BRCA2: variants seen among roughly 807,000 people sequenced by gnomAD.
The protein encoded by BRCA2 is BRCA2 DNA repair associated.
A neutral mutation model predicts 276.7 loss-of-function variants in BRCA2; 203 were observed. That is an observed-to-expected ratio of 0.73 (90% CI 0.65 to 0.82). The LOEUF (loss-of-function observed/expected upper bound fraction) is 0.82. BRCA2 is among the 40% of genes least tolerant of loss of function. BRCA2 has a pLI of 0.00. For synonymous variants in BRCA2, 1,289 were observed against 1,338.4 expected, an observed-to-expected ratio of 0.96 and a Z score of 0.81; for missense variants, 3,920 against 3,915.0, an observed-to-expected ratio of 1.00 and a Z score of -0.03.
Position 32,340,856 on chromosome 13 carries a change from A to G in BRCA2, c.6501A>G (p.Leu2167=), listed in dbSNP as rs2137528169. 6.3e-7 allele frequency: 1 copy of G among 1,599,224 alleles called. No individual in the cohort carries two copies. The highest frequency in any genetic ancestry group is 8.5e-7 in the Non-Finnish European group (1 of 1,175,522). Residue 2167 remains leucine, a synonymous_variant, in exon 11 of 27, where the codon TTA becomes TTG. Coordinates refer to ENST00000380152, the MANE Select transcript of BRCA2 (RefSeq NM_000059.4). Reference sequence around the variant, plus strand: ...AACAAGACAAACAACAGTTGGTATTAGGAACCAAAGTGTCACTTGTTGAGA... The same window carrying G: ...AACAAGACAAACAACAGTTGGTATTGGGAACCAAAGTGTCACTTGTTGAGA... ...QFQQDKQQLV[L]GTKVSLVENI... is the part of the protein sequence containing the mutation.
intron 21 of BRCA2, 102 bp downstream of exon 21, chr13:32,376,893 T>A (rs2072877672): frequency 2.0e-6 from 3 of 1,492,358 alleles, no homozygotes; most frequent in Non-Finnish European, 2.7e-6. Flanking sequence ...GTTGAAATGC[T>A]GCATTTCTCA....
chr13:32,365,672 C>A (rs941866872), intron 18 of BRCA2, among the ~76,000 whole-genome samples: 12 of 151,100 alleles, frequency 7.9e-5, no homozygotes, highest in Non-Finnish European at 1.6e-4. Context: ...GCCACCACGC[C>A]CAGCCTGTTT....
intron 24 of BRCA2, chr13:32,384,904 C>A: frequency 3.1e-6 from 1 of 320,318 alleles, no homozygotes; most frequent in Non-Finnish European, 6.3e-6. Flanking sequence ...AAGCTGAAGA[C>A]TTAATCCAGA....
At chr13:32,343,432 TCTC>T (rs530118979) in intron 11 of BRCA2, among the ~76,000 whole-genome samples, 12 of 152,300 alleles carry the variant, frequency 7.9e-5, no homozygotes, top group Admixed American at 7.2e-4. Flanking sequence ...CCGAAGTTAG[TCTC>T]CTCATTCAAA....
intron 20 of BRCA2, among the ~76,000 whole-genome samples, chr13:32,374,684 T>C (rs1156995048): frequency 6.6e-6 from 1 of 152,226 alleles, no homozygotes; most frequent in Non-Finnish European, 1.5e-5. Flanking sequence ...TGGACTTCAC[T>C]GGCCACATCA....
rs117572301 is a variant in BRCA2 at position 32,350,821 on chromosome 13, A to G, written c.7007+3925A>G. ...CCTATTAATACTACATATACTTTAT[A>G]CTGACTTAGCCGTAATGTAAATGTT... On this transcript the variant is annotated intron_variant, in intron 13 of 26. Coordinates refer to ENST00000380152, the MANE Select transcript of BRCA2 (RefSeq NM_000059.4). Among the ~76,000 whole-genome samples, 790 of 152,332 alleles carry G rather than the reference A, an allele frequency of 5.2e-3. 5 individuals carry two copies. The highest frequency in any genetic ancestry group is 9.4e-3 in the Non-Finnish European group (641 of 68,028).
In BRCA2 at chr13:32,333,235, A is replaced by C; in HGVS notation, c.1757A>C (p.Lys586Thr). 6.2e-7 allele frequency: 1 copy of C among 1,612,802 alleles called. No homozygotes were observed. Among genetic ancestry groups the C allele is most frequent in the Non-Finnish European group, 8.5e-7 (1 of 1,179,206 alleles). The change falls in exon 10 of 27, where the codon AAA (lysine) becomes ACA (threonine). Residue 586 changes from lysine (K) to threonine (T), a missense_variant. Physicochemically the swap from Lys to Thr is moderately conservative, Grantham distance 78. Transcript: ENST00000380152. ...NAGLISTLKKKTNKFIYAIHD... is the reference protein window; with the variant it reads ...NAGLISTLKKTTNKFIYAIHD... ...GGTTTAATATCCACTTTGAAAAAGA[A>C]AACAAATAAGTTTATTTATGCTATA... is the stretch of plus-strand genomic sequence containing the variant.
chr13:32,333,240 A>G lies in BRCA2; in HGVS notation c.1762A>G (p.Asn588Asp), dbSNP rs398122731. ...AATATCCACTTTGAAAAAGAAAACA[A>G]ATAAGTTTATTTATGCTATACATGA... is the stretch of plus-strand genomic sequence containing the variant. The part of the protein sequence containing the change: ...GLISTLKKKT[N>D]KFIYAIHDET... Residue 588 changes from asparagine to aspartate, a missense_variant, in exon 10 of 27, where the codon AAT (asparagine) becomes GAT (aspartate). Transcript: ENST00000380152. 130 of 1,612,656 alleles carry G rather than the reference A, an allele frequency of 8.1e-5. No homozygotes were observed. Among genetic ancestry groups the G allele is most frequent in the Non-Finnish European group, 1.1e-4 (125 of 1,179,238 alleles).
At chr13:32,374,968 A>G (rs913749383) in intron 20 of BRCA2, among the ~76,000 whole-genome samples, 1 of 152,234 alleles carries the variant, frequency 6.6e-6, no homozygotes, top group Non-Finnish European at 1.5e-5. Context: ...ACAGTTCCAC[A>G]TGGCTGGGGA....
At chr13:32,391,880 C>A (rs899095009) in intron 24 of BRCA2, among the ~76,000 whole-genome samples, 4 of 152,176 alleles carry the variant, frequency 2.6e-5, no homozygotes, top group African/African-American at 9.6e-5. Context: ...TGGAAACCTC[C>A]ACTTACGTAA....
In BRCA2 at chr13:32,354,817, A is replaced by G. The variant is rs760633856; in HGVS notation, c.7008-44A>G. ...CAAAGGCATATTCCTAAATATTTATATGTGTACTAGTCAATAAACTTATAT... is the reference window on the plus strand; with the variant it reads ...CAAAGGCATATTCCTAAATATTTATGTGTGTACTAGTCAATAAACTTATAT... On this transcript the variant is annotated intron_variant, in intron 13 of 26. Coordinates refer to ENST00000380152, the MANE Select transcript of BRCA2 (RefSeq NM_000059.4). The G allele has an allele frequency of 1.1e-5, 14 of 1,278,754 alleles. No homozygotes were observed. The highest frequency in any genetic ancestry group is 1.0e-4 in the Admixed American group (6 of 59,280). 79.2% of individuals were successfully genotyped at this position (1,278,754 alleles called of 1,614,324 possible).
At chr13:32,351,145 C>G (rs1013131889) in intron 13 of BRCA2, among the ~76,000 whole-genome samples, 1 of 152,218 alleles carries the variant, frequency 6.6e-6, no homozygotes, top group Non-Finnish European at 1.5e-5. Context: ...GCCATGGAAT[C>G]TTTGTTTTTT....
At position 32,376,756 on chromosome 13, in the gene BRCA2, G is replaced by A. The variant is rs1593934954; in HGVS notation, c.8719G>A (p.Ala2907Thr). The change falls in exon 21 of 27, where the codon GCA becomes ACA. Residue 2907 changes from alanine to threonine, a missense_variant. Around this residue, in one of 2 missense-constraint regions of BRCA2, gnomAD observed 657 missense variants for 758.2 expected, o/e 0.87. Coordinates refer to ENST00000380152, the MANE Select transcript of BRCA2 (RefSeq NM_000059.4). ...ALQDGAELYE[A>T]VKNAADPAYL... Reference sequence around the variant, plus strand: ...GCAAGATGGTGCAGAGCTTTATGAAGCAGTGAAGAATGCAGCAGACCCAGC... The same window carrying A: ...GCAAGATGGTGCAGAGCTTTATGAAACAGTGAAGAATGCAGCAGACCCAGC... The A allele has an allele frequency of 6.2e-7, 1 of 1,614,162 alleles. No individual in the cohort carries two copies. The highest frequency in any genetic ancestry group is 8.5e-7 in the Non-Finnish European group (1 of 1,180,018).
At position 32,395,960 on chromosome 13, in the gene BRCA2, C is replaced by CTTTTTTTTTTTTTTTTTTTT. The variant is rs397838402; in HGVS notation, c.9502-929_9502-910dup. The stretch of plus-strand genomic sequence containing the variant: ...CCACATTTTCTTTTTTTCTTTCTTT[C>CTTTTTTTTTTTTTTTTTTTT]TTTTTTTTTTTTTTTTTTTTTTTTT... On this transcript the variant is annotated intron_variant, in intron 25 of 26. Transcript: ENST00000380152. 1.3e-4 allele frequency: 10 copies of CTTTTTTTTTTTTTTTTTTTT among 79,200 alleles called. 2 individuals are homozygous for CTTTTTTTTTTTTTTTTTTTT. Among genetic ancestry groups the CTTTTTTTTTTTTTTTTTTTT allele is most frequent in the African/African-American group, 1.8e-4 (2 of 11,134 alleles). The allele number at this position is 79,200 out of a possible 1,614,324, so 4.9% of individuals were successfully genotyped here. A position where few individuals can be genotyped will look rare whatever the true frequency, so the allele number is the denominator to read the frequency against.
At chr13:32,331,332 G>C (rs888323859) in intron 9 of BRCA2, among the ~76,000 whole-genome samples, 1 of 152,126 alleles carries the variant, frequency 6.6e-6, no homozygotes, top group Non-Finnish European at 1.5e-5. Flanking sequence ...ACCATTGAAG[G>C]ATTGCTCCTC....
chr13:32,316,360 C>CCTCAGTCACATAATAAGGAATG, intron 1 of BRCA2, 62 bp from the exon 2 acceptor site: 1 of 1,052,810 alleles, frequency 9.5e-7, no homozygotes, highest in South Asian at 1.3e-5. Context: ...CTGAGTTTTA[C>CCTCAGTCACATAATAAGGAATG]CTCAGTCACA....
At position 32,398,452 on chromosome 13, in the gene BRCA2, GA is replaced by G. The variant is rs431825381; in HGVS notation, c.9945del (p.Glu3316AsnfsTer2). 11 of 1,614,042 alleles carry G rather than the reference GA, an allele frequency of 6.8e-6. No individual in the cohort carries two copies. In the African/African-American group the frequency reaches 1.5e-4, roughly 22 times the overall value. On this transcript the variant is annotated frameshift_variant, in exon 27 of 27. Coordinates refer to ENST00000380152, the MANE Select transcript of BRCA2 (RefSeq NM_000059.4). LOFTEE classifies it low-confidence loss of function (END_TRUNC). ...GCACCAAATACGAAACACCCATAAA[GA>G]AAAAAGAACTGAATTCTCCTCAGAT... Reference protein sequence around the residue: ...CGTKYETPIKKKELNSPQMTP... With the variant: ...CGTKYETPIKXKELNSPQMTP...
rs80358963 is a variant in BRCA2, at chr13:32,355,268, A to T, written c.7415A>T (p.Lys2472Met). 1.2e-6 allele frequency: 2 copies of T among 1,613,666 alleles called. No individual in the cohort carries two copies. Among genetic ancestry groups the T allele is most frequent in the Non-Finnish European group, 1.7e-6 (2 of 1,179,824 alleles). ...SNQAVAVTFT[K>M]CEEEPLDLIT... is the part of the protein sequence containing the mutation. ...CAAGCAGTAGCTGTAACTTTCACAA[A>T]GTGTGAAGAAGAACCTTTAGGTATT... is the stretch of plus-strand genomic sequence containing the variant. The change falls in exon 14 of 27, where the codon AAG becomes ATG. Residue 2472 changes from lysine (K) to methionine (M), a missense_variant. By Grantham distance (95) the Lys-to-Met change is moderately conservative. This residue lies in a region of BRCA2 where 3,263 missense variants were observed against 3,156.9 expected (regional missense o/e 1.03). Transcript: ENST00000380152.
rs2137497182 is a variant in BRCA2 at position 32,337,848 on chromosome 13, C to A, written c.3493C>A (p.His1165Asn). The part of the protein sequence containing the change: ...TSEECRDADL[H>N]VIMNAPSIGQ... The stretch of plus-strand genomic sequence containing the variant: ...TGAGGAATGCAGAGATGCTGATCTT[C>A]ATGTCATAATGAATGCCCCATCGAT... Residue 1165 changes from histidine to asparagine, a missense_variant, in exon 11 of 27, where the codon CAT (histidine) becomes AAT (asparagine). Coordinates refer to ENST00000380152, the MANE Select transcript of BRCA2 (RefSeq NM_000059.4). The A allele has an allele frequency of 6.2e-7, 1 of 1,614,072 alleles. No homozygotes were observed. The highest frequency in any genetic ancestry group is 8.5e-7 in the Non-Finnish European group (1 of 1,179,982).
Sources: gnomAD v4.1 joint callset for allele counts (sites outside exome capture counted in the v4.1 genomes callset) on GRCh38, gnomAD v4.1.1 for gene constraint, gnomAD v4.1.1 regional missense constraint, MANE v1.5 for transcripts, NCBI Gene and HGNC (gene_info 2026-07-23, HGNC 2026-07-21) for gene names.